PGGT1B: variants seen among roughly 807,000 people sequenced by gnomAD.
The protein encoded by PGGT1B is protein geranylgeranyltransferase type I subunit beta.
Under a neutral mutation model 46.1 loss-of-function variants are expected in PGGT1B, and 30 were observed. That is an observed-to-expected ratio of 0.65 (90% CI 0.49 to 0.88). The LOEUF (loss-of-function observed/expected upper bound fraction) is 0.88, where lower values mean the gene tolerates loss of function less well. Ranked by LOEUF, PGGT1B falls within the 40% of genes least tolerant of loss-of-function variation. PGGT1B has a pLI of 0.00. For missense variants in PGGT1B, 376 were observed against 455.9 expected, an observed-to-expected ratio of 0.82 and a Z score of 1.60; for synonymous variants, 170 against 160.0, an observed-to-expected ratio of 1.06 and a Z score of -0.47.
rs1031204230 is a variant in PGGT1B at position 115,207,203 on chromosome 5, A to C, written c.*5199T>G. ...TACATATATATATATATATATATAT[A>C]TATAGTCTTGTTACTCTTTTTAGTA... On this transcript the variant is annotated 3_prime_UTR_variant, in exon 9 of 9. Coordinates refer to ENST00000419445, the MANE Select transcript of PGGT1B (RefSeq NM_005023.4). 2 of 137,380 alleles carry C rather than the reference A, an allele frequency of 1.5e-5. No individual in the cohort carries two copies. The highest frequency in any genetic ancestry group is 7.2e-5 in the Admixed American group (1 of 13,806). The allele number at this position is 137,380 out of a possible 1,614,324, so 8.5% of individuals were successfully genotyped here.
chr5:115,262,557 A>G (rs1748608987), intron 1 of PGGT1B, 155 bp downstream of exon 1: 2 of 753,598 alleles, frequency 2.7e-6, no homozygotes, highest in Non-Finnish European at 4.3e-6. Flanking sequence ...ACGGCGGGAG[A>G]GTGGGGGTAA....
At chr5:115,220,123 C>T (rs754676737) in intron 7 of PGGT1B, among the ~76,000 whole-genome samples, 18 of 151,706 alleles carry the variant, frequency 1.2e-4, no homozygotes, top group Non-Finnish European at 2.4e-4. Context: ...AATGAAAGCA[C>T]GGACTTGAAC....
At position 115,205,438 on chromosome 5, in the gene PGGT1B, A is replaced by G. The variant is rs556555059; in HGVS notation, c.*6964T>C. The G allele has an allele frequency of 6.6e-6, 1 of 152,144 alleles. No individual in the cohort carries two copies. The highest frequency in any genetic ancestry group is 1.5e-5 in the Non-Finnish European group (1 of 68,002). 9.4% of individuals were successfully genotyped at this position (152,144 alleles called of 1,614,324 possible). A position where few individuals can be genotyped will look rare whatever the true frequency, so the allele number is the denominator to read the frequency against. ...CTCAAGATATTTAATGAAAAGTTTG[A>G]ACAAACATGGAAAAACATGGAAAGA... On this transcript the variant is annotated 3_prime_UTR_variant, in exon 9 of 9. Transcript: ENST00000419445.
Position 115,212,433 on chromosome 5 carries a change from T to G in PGGT1B, c.1103A>C (p.Gln368Pro). Residue 368 changes from glutamine to proline, a missense_variant, in exon 9 of 9, where the codon CAA becomes CCA. Gln to Pro is a moderately conservative substitution (Grantham distance 76). This residue lies in a region of PGGT1B where 222 missense variants were observed against 313.6 expected (regional missense o/e 0.71). Coordinates refer to ENST00000419445, the MANE Select transcript of PGGT1B (RefSeq NM_005023.4). Reference sequence around the variant, plus strand: ...GGAGATATGTACATTCTCTGAGCATTGTTTAGAGTCCTTGGTTTTCCAGCT... The same window carrying G: ...GGAGATATGTACATTCTCTGAGCATGGTTTAGAGTCCTTGGTTTTCCAGCT... Reference protein sequence around the residue: ...HQSWKTKDSKQCSENVHIST With the variant: ...HQSWKTKDSKPCSENVHIST The G allele has an allele frequency of 6.3e-6, 10 of 1,584,816 alleles. No individual in the cohort carries two copies. The highest frequency in any genetic ancestry group is 8.6e-6 in the Non-Finnish European group (10 of 1,160,292).
chr5:115,222,107 A>G (rs935854664), intron 6 of PGGT1B, 99 bp from the exon 7 acceptor site: 2 of 576,454 alleles, frequency 3.5e-6, no homozygotes, highest in Non-Finnish European at 5.6e-6. Context: ...ATAATTCTAG[A>G]AAATAGTGAA....
intron 6 of PGGT1B, among the ~76,000 whole-genome samples, chr5:115,230,478 G>A (rs1756942412): frequency 6.6e-6 from 1 of 151,740 alleles, no homozygotes; most frequent in East Asian, 1.9e-4. Context: ...CTGCCAAAGT[G>A]GAAAAAAACA....
chr5:115,253,108 T>C (rs1310749181), intron 2 of PGGT1B, 29 bp downstream of exon 2: 1 of 1,595,830 alleles, frequency 6.3e-7, no homozygotes. Context: ...CCAGTCACAC[T>C]AAAAATAAAA....
chr5:115,241,913 T>C (rs540426967), intron 2 of PGGT1B, among the ~76,000 whole-genome samples: 2 of 152,298 alleles, frequency 1.3e-5, no homozygotes, highest in South Asian at 2.1e-4. Flanking sequence ...GTGATCAACA[T>C]GTTCAATCCC....
chr5:115,248,205 T>G (rs550483734), intron 2 of PGGT1B, among the ~76,000 whole-genome samples: 1 of 152,148 alleles, frequency 6.6e-6, no homozygotes, highest in East Asian at 1.9e-4. Context: ...TGTAAAGCTA[T>G]AAGACAGTCT....
chr5:115,250,428 G>C (rs570949555), intron 2 of PGGT1B, among the ~76,000 whole-genome samples: 6 of 152,276 alleles, frequency 3.9e-5, no homozygotes, highest in African/African-American at 9.6e-5. Flanking sequence ...CACTGAGAGG[G>C]AAAAGAAATA....
At chr5:115,246,398 T>C (rs1048169347) in intron 2 of PGGT1B, among the ~76,000 whole-genome samples, 3 of 152,044 alleles carry the variant, frequency 2.0e-5, no homozygotes, top group Non-Finnish European at 2.9e-5. Context: ...ATTTATTAGG[T>C]ACTCTTTTGC....
In PGGT1B at chr5:115,224,415, A is replaced by C. The variant is rs1050302602; in HGVS notation, c.659-2407T>G. Reference sequence around the variant, plus strand: ...ACTTTGTCCAAACTACTGGATTTTGAACATAGTAACTCCAGAAGTAAGTTT... The same window carrying C: ...ACTTTGTCCAAACTACTGGATTTTGCACATAGTAACTCCAGAAGTAAGTTT... On this transcript the variant is annotated intron_variant, in intron 6 of 8. Transcript: ENST00000419445. Among the ~76,000 whole-genome samples the C allele has an allele frequency of 5.3e-5, 8 of 152,364 alleles. No homozygotes were observed. The East Asian group carries it at 1.5e-3, about 29-fold the overall frequency.
At position 115,236,475 on chromosome 5, in the gene PGGT1B, T is replaced by C. The variant is rs776295667; in HGVS notation, c.527A>G (p.Tyr176Cys). 1 of 1,573,742 alleles carries C rather than the reference T, an allele frequency of 6.4e-7. No homozygotes were observed. The highest frequency in any genetic ancestry group is 8.6e-7 in the Non-Finnish European group (1 of 1,163,690). Residue 176 changes from tyrosine to cysteine, a missense_variant, in exon 5 of 9, where the codon TAC (tyrosine) becomes TGC (cysteine). Tyr to Cys is a radical substitution (Grantham distance 194). This residue lies in a region of PGGT1B where 222 missense variants were observed against 313.6 expected (regional missense o/e 0.71). Transcript: ENST00000419445. The stretch of plus-strand genomic sequence containing the variant: ...CATATAGCAAATACAGGAAGCACAG[T>C]ACACAAATCGCATGTCATTTTCACT... The part of the protein sequence containing the change: ...EGSENDMRFV[Y>C]CASCICYMLN...
intron 6 of PGGT1B, 23 bp from the exon 7 acceptor site, chr5:115,222,031 GT>G: frequency 1.4e-6 from 2 of 1,430,294 alleles, no homozygotes; most frequent in Non-Finnish European, 1.9e-6. Context: ...ACCACACAAC[GT>G]TTTAAACTTC....
chr5:115,210,962 C>CA lies in PGGT1B; in HGVS notation c.*1439dup, dbSNP rs1205922679. The CA allele has an allele frequency of 2.0e-5, 3 of 152,070 alleles. No homozygotes were observed. Among genetic ancestry groups the CA allele is most frequent in the Non-Finnish European group, 4.4e-5 (3 of 67,926 alleles). The allele number at this position is 152,070 out of a possible 1,614,324, so 9.4% of individuals were successfully genotyped here. A position where few individuals can be genotyped will look rare whatever the true frequency, so the allele number is the denominator to read the frequency against. On this transcript the variant is annotated 3_prime_UTR_variant, in exon 9 of 9. Coordinates refer to ENST00000419445, the MANE Select transcript of PGGT1B (RefSeq NM_005023.4). Reference sequence around the variant, plus strand: ...TAAATCAATCATTTCTCCAAGTACACAGTGTTTCCCTTGGGAAGGACTGTT... The same window carrying CA: ...TAAATCAATCATTTCTCCAAGTACACAAGTGTTTCCCTTGGGAAGGACTGTT...
At chr5:115,215,578 G>C (rs1057499504) in intron 8 of PGGT1B, among the ~76,000 whole-genome samples, 1 of 152,194 alleles carries the variant, frequency 6.6e-6, no homozygotes, top group Non-Finnish European at 1.5e-5. Flanking sequence ...GATTACAGGC[G>C]TGAGCCAAAA....
Position 115,236,499 on chromosome 5 carries a change from C to G in PGGT1B, c.503G>C (p.Ser168Thr). The G allele has an allele frequency of 1.3e-6, 2 of 1,566,234 alleles. No individual in the cohort carries two copies. Among genetic ancestry groups the G allele is most frequent in the South Asian group, 2.4e-5 (2 of 82,190 alleles). The change falls in exon 5 of 9, where the codon AGT becomes ACT. Residue 168 changes from serine to threonine, a missense_variant. This residue lies in a region of PGGT1B where 222 missense variants were observed against 313.6 expected (regional missense o/e 0.71). Transcript: ENST00000419445. The stretch of plus-strand genomic sequence containing the variant: ...GTACACAAATCGCATGTCATTTTCA[C>G]TGCCTTCAGGTACTGCACAAAAACT... ...DGSFCAVPEG[S>T]ENDMRFVYCA...
Position 115,204,501 on chromosome 5 carries a change from C to A in PGGT1B, c.*7901G>T, listed in dbSNP as rs1441387712. The A allele has an allele frequency of 6.6e-6, 1 of 152,232 alleles. No individual in the cohort carries two copies. Among genetic ancestry groups the A allele is most frequent in the South Asian group, 2.1e-4 (1 of 4,828 alleles). The allele number at this position is 152,232 out of a possible 1,614,324, so 9.4% of individuals were successfully genotyped here. On this transcript the variant is annotated 3_prime_UTR_variant, in exon 9 of 9. Coordinates refer to ENST00000419445, the MANE Select transcript of PGGT1B (RefSeq NM_005023.4). ...GCACATATAAAGAATTAACCTCCCC[C>A]CAAACTTATTAGAACTTGATTTCCA...
intron 2 of PGGT1B, among the ~76,000 whole-genome samples, chr5:115,243,094 T>A (rs934161759): frequency 6.6e-6 from 1 of 151,110 alleles, no homozygotes; most frequent in Admixed American, 6.6e-5. Context: ...AACACTCATA[T>A]CCTTTTGACC....
Sources: gnomAD v4.1 joint callset for allele counts (sites outside exome capture counted in the v4.1 genomes callset) on GRCh38, gnomAD v4.1.1 for gene constraint, gnomAD v4.1.1 regional missense constraint, MANE v1.5 for transcripts, NCBI Gene and HGNC (gene_info 2026-07-23, HGNC 2026-07-21) for gene names.